UNC13C: variants seen among roughly 807,000 people sequenced by gnomAD.
The protein encoded by UNC13C is protein unc-13 homolog C.
UNC13C carries 174 observed loss-of-function variants against 245.4 expected under a neutral mutation model. The observed-to-expected ratio is 0.71, with a 90% CI of 0.63 to 0.80. The LOEUF (loss-of-function observed/expected upper bound fraction) is 0.80, where lower values mean the gene tolerates loss of function less well. Among genes scored for constraint, UNC13C ranks in the 30% least tolerant of loss-of-function variants. UNC13C has a pLI of 0.00. For missense variants in UNC13C, 2,829 were observed against 2,602.9 expected (o/e 1.09, Z -1.89); for synonymous variants, 992 against 895.1 (o/e 1.11, Z -1.93).
At chr15:54,511,309 GCAGC>G (rs1167673799) in intron 23 of UNC13C, among the ~76,000 whole-genome samples, 1 of 152,074 alleles carries the variant, frequency 6.6e-6, no homozygotes, top group Non-Finnish European at 1.5e-5. Context: ...GTCTTTACCT[GCAGC>G]CAGAAAATAT....
the UNC13C span, among the ~76,000 whole-genome samples, chr15:53,882,222 G>A: frequency 6.6e-6 from 1 of 152,038 alleles, no homozygotes; most frequent in Non-Finnish European, 1.5e-5. Context: ...TAACATAATT[G>A]AATGTTTTTG....
chr15:54,527,422 T>C (rs946234165), intron 25 of UNC13C, among the ~76,000 whole-genome samples: 5 of 152,184 alleles, frequency 3.3e-5, no homozygotes, highest in African/African-American at 4.8e-5. Context: ...GCTAGAGTTG[T>C]TCAGAACTTT....
chr15:54,043,649 A>G (rs1896906774), intron 2 of UNC13C, among the ~76,000 whole-genome samples: 1 of 152,170 alleles, frequency 6.6e-6, no homozygotes, highest in Non-Finnish European at 1.5e-5. Flanking sequence ...TCTTGCCACA[A>G]TTTCTATGCA....
chr15:54,379,695 T>C (rs1157286017), intron 17 of UNC13C, among the ~76,000 whole-genome samples: 1 of 152,146 alleles, frequency 6.6e-6, no homozygotes, highest in African/African-American at 2.4e-5. Context: ...ATGGTTCTGA[T>C]GGAGAAGATC....
At chr15:54,425,776 A>G (rs898070217) in intron 19 of UNC13C, among the ~76,000 whole-genome samples, 1 of 151,868 alleles carries the variant, frequency 6.6e-6, no homozygotes, top group African/African-American at 2.4e-5. Context: ...ACAAATTATC[A>G]CCAAAGTTAG....
At chr15:54,161,258 C>T (rs983725446) in intron 4 of UNC13C, among the ~76,000 whole-genome samples, 3 of 152,024 alleles carry the variant, frequency 2.0e-5, no homozygotes, top group African/African-American at 7.2e-5. Context: ...GCTATTTGTT[C>T]TATATGTAGT....
At chr15:53,886,467 C>A in the UNC13C span, among the ~76,000 whole-genome samples, 68 of 152,192 alleles carry the variant, frequency 4.5e-4, no homozygotes, top group African/African-American at 1.6e-3. Flanking sequence ...TGGACCACAA[C>A]CCCAAGTATG....
intron 8 of UNC13C, among the ~76,000 whole-genome samples, chr15:54,252,457 G>T (rs1302796304): frequency 2.0e-5 from 3 of 152,134 alleles, no homozygotes; most frequent in Admixed American, 6.5e-5. Flanking sequence ...GGGTATGCAT[G>T]CCCCAGGGAG....
At chr15:53,848,931 CTT>C in the UNC13C span, among the ~76,000 whole-genome samples, 34 of 151,966 alleles carry the variant, frequency 2.2e-4, no homozygotes, top group Non-Finnish European at 1.0e-4. Flanking sequence ...TTAAGACTCT[CTT>C]GTCTCATATT....
intron 7 of UNC13C, among the ~76,000 whole-genome samples, 194 bp downstream of exon 7, chr15:54,237,884 T>C (rs1429339659): frequency 6.6e-6 from 1 of 152,168 alleles, no homozygotes; most frequent in Non-Finnish European, 1.5e-5. Context: ...CCTCAAATAC[T>C]TATAAACCTT....
intron 14 of UNC13C, among the ~76,000 whole-genome samples, chr15:54,331,109 C>G (rs2038424507): frequency 6.6e-6 from 1 of 152,034 alleles, no homozygotes; most frequent in South Asian, 2.1e-4. Flanking sequence ...CTCTGTGAAA[C>G]TACTGAGAAA....
chr15:54,612,054 TTTATAAAACACCATCTGTCAC>T (rs55951687), intron 30 of UNC13C, among the ~76,000 whole-genome samples: 69,920 of 151,522 alleles, frequency 0.46, 16,808 homozygotes, highest in East Asian at 0.61. Flanking sequence ...CAACCAGAAT[TTTATAAAACACCATCTGTCAC>T]ATATATTTTG....
intron 14 of UNC13C, among the ~76,000 whole-genome samples, chr15:54,324,888 C>T (rs2038255093): frequency 6.6e-6 from 1 of 152,052 alleles, no homozygotes; most frequent in African/African-American, 2.4e-5. Flanking sequence ...CCGTGGGCCA[C>T]ATGCAGCCCA....
chr15:54,179,392 C>T (rs1294339744), intron 4 of UNC13C, among the ~76,000 whole-genome samples: 1 of 152,012 alleles, frequency 6.6e-6, no homozygotes, highest in Non-Finnish European at 1.5e-5. Context: ...CAGAAGTATA[C>T]ATGCACTAAA....
chr15:54,141,436 C>G (rs556121369), intron 2 of UNC13C, among the ~76,000 whole-genome samples: 2 of 152,182 alleles, frequency 1.3e-5, no homozygotes, highest in East Asian at 3.9e-4. Context: ...AAATGCCCTA[C>G]TATTTCACAC....
the UNC13C span, among the ~76,000 whole-genome samples, chr15:53,925,701 GGGA>G: frequency 3.3e-5 from 5 of 152,072 alleles, no homozygotes; most frequent in Admixed American, 1.3e-4. Flanking sequence ...CTGTAGTGTC[GGGA>G]GAAACAATCC....
At chr15:54,226,695 G>C (rs2035394566) in intron 4 of UNC13C, among the ~76,000 whole-genome samples, 1 of 152,172 alleles carries the variant, frequency 6.6e-6, no homozygotes, top group Non-Finnish European at 1.5e-5. Context: ...CCAAGCTGAG[G>C]CTGGCCGCTG....
At chr15:53,883,277 G>A in the UNC13C span, among the ~76,000 whole-genome samples, 1 of 152,080 alleles carries the variant, frequency 6.6e-6, no homozygotes, top group Non-Finnish European at 1.5e-5. Context: ...CTATAACTTT[G>A]GGAGCCTCAA....
chr15:54,253,765 G>A (rs1437072535), intron 8 of UNC13C, among the ~76,000 whole-genome samples: 1 of 152,210 alleles, frequency 6.6e-6, no homozygotes, highest in African/African-American at 2.4e-5. Flanking sequence ...GTTGTGTGCA[G>A]AGTGAGTCAT....
Sources: gnomAD v4.1 joint callset for allele counts (sites outside exome capture counted in the v4.1 genomes callset) on GRCh38, gnomAD v4.1.1 for gene constraint, MANE v1.5 for transcripts, NCBI Gene and HGNC (gene_info 2026-07-23, HGNC 2026-07-21) for gene names.